CSMD1: variants seen among roughly 807,000 people sequenced by gnomAD.
The protein encoded by CSMD1 is CUB and Sushi multiple domains 1.
A neutral mutation model predicts 417.5 loss-of-function variants in CSMD1; 213 were observed. The ratio of observed to expected loss-of-function variants is 0.51; its 90% CI spans 0.46 to 0.57. CSMD1 has a LOEUF of 0.57. CSMD1 is among the 20% of genes least tolerant of loss of function. The pLI is 0.00. For missense variants in CSMD1, 6,923 were observed against 4,529.7 expected (o/e 1.53, Z -15.17); for synonymous variants, 2,862 against 1,736.8 (o/e 1.65, Z -16.11).
intron 2 of CSMD1, among the ~76,000 whole-genome samples, chr8:4,456,671 G>C (rs1016214200): frequency 9.9e-5 from 15 of 152,110 alleles, no homozygotes; most frequent in African/African-American, 3.6e-4. Flanking sequence ...CCAATCATCT[G>C]ATCTGATGGA....
intron 1 of CSMD1, among the ~76,000 whole-genome samples, chr8:4,971,187 G>T (rs1232502706): frequency 6.6e-6 from 1 of 151,922 alleles, no homozygotes; most frequent in Admixed American, 6.6e-5. Flanking sequence ...CAAAAACAAA[G>T]CATATGCTGA....
intron 2 of CSMD1, among the ~76,000 whole-genome samples, chr8:4,579,586 G>T (rs1799318462): frequency 6.6e-6 from 1 of 152,024 alleles, no homozygotes; most frequent in Non-Finnish European, 1.5e-5. Flanking sequence ...CTGGTCTCGA[G>T]ATCCTCACCT....
chr8:3,229,166 C>T (rs1470362097), intron 27 of CSMD1, among the ~76,000 whole-genome samples: 2 of 152,084 alleles, frequency 1.3e-5, no homozygotes, highest in Non-Finnish European at 2.9e-5. Context: ...ACCACAAACC[C>T]CCTCAAGGTC....
chr8:3,172,272 T>C (rs1163584801), intron 37 of CSMD1, among the ~76,000 whole-genome samples: 1 of 152,208 alleles, frequency 6.6e-6, no homozygotes, highest in East Asian at 1.9e-4. Context: ...GTTTCACAAA[T>C]GTGCTGGGTT....
chr8:3,672,877 A>G (rs568039806), intron 7 of CSMD1, among the ~76,000 whole-genome samples: 2 of 152,260 alleles, frequency 1.3e-5, no homozygotes, highest in East Asian at 3.9e-4. Context: ...AGGTTTTTCA[A>G]TCCATGAAAA....
At chr8:3,282,102 C>G (rs1032053674) in intron 26 of CSMD1, among the ~76,000 whole-genome samples, 1 of 152,154 alleles carries the variant, frequency 6.6e-6, no homozygotes, top group Admixed American at 6.6e-5. Context: ...AACCTCTTTT[C>G]TTGATAAATT....
chr8:4,176,005 C>G (rs574691134), intron 3 of CSMD1, among the ~76,000 whole-genome samples: 26 of 152,246 alleles, frequency 1.7e-4, no homozygotes, highest in Admixed American at 1.6e-3. Flanking sequence ...GAGGCTAGCC[C>G]AGGCTTCTCG....
intron 4 of CSMD1, among the ~76,000 whole-genome samples, chr8:3,999,674 C>T (rs1815506262): frequency 6.6e-6 from 1 of 152,150 alleles, no homozygotes; most frequent in African/African-American, 2.4e-5. Context: ...GGCTGGTCTA[C>T]ACACTAGGCA....
chr8:3,377,163 T>C (rs188231714), intron 18 of CSMD1, among the ~76,000 whole-genome samples: 1 of 152,242 alleles, frequency 6.6e-6, no homozygotes, highest in East Asian at 1.9e-4. Context: ...CACATGCCAA[T>C]ACCCCCAGCT....
intron 11 of CSMD1, among the ~76,000 whole-genome samples, chr8:3,486,347 G>C (rs1585236310): frequency 6.6e-6 from 1 of 152,174 alleles, no homozygotes; most frequent in Admixed American, 6.5e-5. Context: ...GTCAGGGATG[G>C]TGCACTGTAA....
At chr8:3,979,189 G>C (rs1186497658) in intron 5 of CSMD1, among the ~76,000 whole-genome samples, 2 of 152,206 alleles carry the variant, frequency 1.3e-5, no homozygotes, top group Non-Finnish European at 2.9e-5. Context: ...CACACTAACA[G>C]ACAGGGACAG....
intron 5 of CSMD1, among the ~76,000 whole-genome samples, chr8:3,782,690 A>C (rs185730732): frequency 5.2e-4 from 79 of 152,338 alleles, no homozygotes; most frequent in African/African-American, 1.3e-3. Flanking sequence ...GTTTGAGAAC[A>C]AGCTAATAGT....
intron 1 of CSMD1, among the ~76,000 whole-genome samples, chr8:4,754,442 T>A (rs1201089376): frequency 2.0e-5 from 3 of 152,180 alleles, no homozygotes; most frequent in African/African-American, 7.2e-5. Flanking sequence ...AACTAACTTG[T>A]ATACTTCCCA....
At chr8:4,350,320 G>A (rs1801019262) in intron 3 of CSMD1, among the ~76,000 whole-genome samples, 1 of 152,164 alleles carries the variant, frequency 6.6e-6, no homozygotes, top group Non-Finnish European at 1.5e-5. Context: ...CTAACAGGCT[G>A]ACACACCTGA....
At chr8:3,329,080 T>C (rs1445857217) in intron 23 of CSMD1, among the ~76,000 whole-genome samples, 10 of 151,946 alleles carry the variant, frequency 6.6e-5, no homozygotes, top group Non-Finnish European at 1.0e-4. Context: ...GGAAGATATG[T>C]AGTTGAGGGA....
chr8:4,342,085 A>T (rs985772328), intron 3 of CSMD1, among the ~76,000 whole-genome samples: 7 of 152,064 alleles, frequency 4.6e-5, no homozygotes, highest in African/African-American at 1.7e-4. Flanking sequence ...AAGTAGCGCA[A>T]GCCATCTCTA....
At chr8:3,837,006 G>C (rs752438274) in intron 5 of CSMD1, among the ~76,000 whole-genome samples, 15 of 151,864 alleles carry the variant, frequency 9.9e-5, no homozygotes, top group Admixed American at 1.3e-4. Flanking sequence ...GCTACTTTAA[G>C]TGAAGTTACT....
At chr8:3,884,833 G>C (rs17067857) in intron 5 of CSMD1, among the ~76,000 whole-genome samples, 1 of 151,244 alleles carries the variant, frequency 6.6e-6, no homozygotes, top group Non-Finnish European at 1.5e-5. Context: ...CTACTTCGTC[G>C]TCAGTCTGTG....
intron 11 of CSMD1, among the ~76,000 whole-genome samples, chr8:3,490,974 T>C (rs1189693761): frequency 6.6e-6 from 1 of 152,114 alleles, no homozygotes; most frequent in East Asian, 1.9e-4. Flanking sequence ...TTTATATAAA[T>C]TTTCAGGGGG....
Sources: allele counts gnomAD v4.1 joint callset (sites outside exome capture counted in the v4.1 genomes callset), GRCh38; gene constraint gnomAD v4.1.1; transcripts MANE v1.5; gene names NCBI Gene and HGNC (gene_info 2026-07-23, HGNC 2026-07-21).